TMEM231: variants seen among roughly 807,000 people sequenced by gnomAD.
TMEM231 encodes transmembrane protein 231.
TMEM231 carries 40 observed loss-of-function variants against 38.5 expected under a neutral mutation model. The observed-to-expected ratio is 1.04, with a 90% CI of 0.81 to 1.35. The LOEUF is 1.35. Ranked by LOEUF, TMEM231 falls within the 40% of genes most tolerant of loss-of-function variation. The probability of loss-of-function intolerance (pLI) is 0.00; values close to 1 mark genes in which losing one functional copy is unlikely to be tolerated. For synonymous variants in TMEM231, 199 were observed against 181.7 expected, an observed-to-expected ratio of 1.10 and a Z score of -0.77; for missense variants, 420 against 416.9, an observed-to-expected ratio of 1.01 and a Z score of -0.07.
intron 4 of TMEM231, 83 bp downstream of exon 4, chr16:75,545,269 T>C: frequency 1.3e-6 from 2 of 1,538,382 alleles, no homozygotes; most frequent in Non-Finnish European, 1.8e-6. Flanking sequence ...CTGACATTTC[T>C]ACTTTTCATT....
intron 6 of TMEM231, among the ~76,000 whole-genome samples, chr16:75,540,846 A>G (rs1482666361): frequency 6.6e-6 from 1 of 152,230 alleles, no homozygotes; most frequent in African/African-American, 2.4e-5. Flanking sequence ...TAGCAGACAT[A>G]CAGTCATTTT....
At chr16:75,540,750 A>C (rs775115301) in intron 6 of TMEM231, among the ~76,000 whole-genome samples, 2 of 152,236 alleles carry the variant, frequency 1.3e-5, no homozygotes, top group African/African-American at 4.8e-5. Context: ...TATGATTATT[A>C]AGACATAAAT....
At chr16:75,541,328 G>C in intron 6 of TMEM231, 22 bp downstream of exon 6, 1 of 1,561,062 alleles carries the variant, frequency 6.4e-7, no homozygotes, top group Non-Finnish European at 8.8e-7. Flanking sequence ...CCTTAACATG[G>C]ACTCTTTAAC....
chr16:75,541,537 G>A, intron 5 of TMEM231, 82 bp from the exon 6 acceptor site: 1 of 806,228 alleles, frequency 1.2e-6, no homozygotes, highest in Non-Finnish European at 1.9e-6. Context: ...TTGATACCTG[G>A]AAATTATCCT....
Position 75,556,225 on chromosome 16 carries a change from G to T in TMEM231, c.-16C>A, listed in dbSNP as rs749234584. The T allele has an allele frequency of 6.5e-6, 9 of 1,392,856 alleles. No homozygotes were observed. Among genetic ancestry groups the T allele is most frequent in the African/African-American group, 1.5e-5 (1 of 65,920 alleles). The allele number at this position is 1,392,856 out of a possible 1,614,324, so 86.3% of individuals were successfully genotyped here. ...AGAGCGCCATGAGCACCGCTCGCAG[G>T]CACTCCGCGAGCCGGGGGACCAAGT... On this transcript the variant is annotated 5_prime_UTR_variant, in exon 1 of 7. Coordinates refer to ENST00000258173, the MANE Select transcript of TMEM231 (RefSeq NM_001077418.3).
intron 4 of TMEM231, among the ~76,000 whole-genome samples, chr16:75,544,398 G>A (rs2080659292): frequency 6.6e-6 from 1 of 152,148 alleles, no homozygotes; most frequent in Non-Finnish European, 1.5e-5. Context: ...TGGATGCCTG[G>A]CAGAGGAAAT....
intron 2 of TMEM231, 114 bp downstream of exon 2, chr16:75,555,690 T>G: frequency 8.6e-7 from 1 of 1,158,886 alleles, no homozygotes; most frequent in Non-Finnish European, 1.2e-6. Context: ...CGCGAGTCCT[T>G]AGGATCAAAG....
intron 2 of TMEM231, among the ~76,000 whole-genome samples, chr16:75,548,991 G>T (rs911965938): frequency 6.6e-6 from 1 of 152,160 alleles, no homozygotes; most frequent in East Asian, 1.9e-4. Flanking sequence ...CAGAGAGGAG[G>T]GATCCAGGCT....
Position 75,555,851 on chromosome 16 carries a change from C to T in TMEM231, c.262G>A (p.Ala88Thr). 3 of 1,581,112 alleles carry T rather than the reference C, an allele frequency of 1.9e-6. No homozygotes were observed. The highest frequency in any genetic ancestry group is 3.4e-4 in the Middle Eastern group (2 of 5,912). The change falls in exon 2 of 7, where the codon GCC (alanine) becomes ACC (threonine). Residue 88 changes from alanine (A) to threonine (T), a missense_variant. By Grantham distance (58) the Ala-to-Thr change is moderately conservative. Coordinates refer to ENST00000258173, the MANE Select transcript of TMEM231 (RefSeq NM_001077418.3). ...CGATCCCCTTGCAGCCGGTTGAAGGCGGGGAACGTGCTCCAGGCGAGGAAC... is the reference window on the plus strand; with the variant it reads ...CGATCCCCTTGCAGCCGGTTGAAGGTGGGGAACGTGCTCCAGGCGAGGAAC... ...DGFLAWSTFPAFNRLQGDRLR... is the reference protein window; with the variant it reads ...DGFLAWSTFPTFNRLQGDRLR...
intron 6 of TMEM231, among the ~76,000 whole-genome samples, 162 bp downstream of exon 6, chr16:75,541,188 T>A (rs2080623365): frequency 1.3e-5 from 2 of 151,428 alleles, no homozygotes; most frequent in African/African-American, 4.9e-5. Context: ...TAATTTTTTT[T>A]TTTTTTTTTT....
intron 2 of TMEM231, among the ~76,000 whole-genome samples, chr16:75,550,109 G>A (rs1181364487): frequency 2.0e-5 from 3 of 152,204 alleles, no homozygotes; most frequent in African/African-American, 7.2e-5. Flanking sequence ...TAGCTGCAGG[G>A]AACATTTCCC....
intron 6 of TMEM231, among the ~76,000 whole-genome samples, chr16:75,540,722 A>T (rs1300039774): frequency 1.3e-5 from 2 of 152,250 alleles, no homozygotes; most frequent in African/African-American, 4.8e-5. Flanking sequence ...ACATAACCTT[A>T]GCATAAAAGG....
chr16:75,540,059 C>T lies in TMEM231; in HGVS notation c.886G>A (p.Val296Met). The change falls in exon 7 of 7, where the codon GTG (valine) becomes ATG (methionine). Residue 296 changes from valine (V) to methionine (M), a missense_variant. Transcript: ENST00000258173. Reference sequence around the variant, plus strand: ...ACTGTCACAGGAATGGTGGTCACCACCTGATTCTGAAACACGAAGATCTTG... The same window carrying T: ...ACTGTCACAGGAATGGTGGTCACCATCTGATTCTGAAACACGAAGATCTTG... Reference protein sequence around the residue: ...RIKIFVFQNQVVTTIPVTVTP... With the variant: ...RIKIFVFQNQMVTTIPVTVTP... 1 of 1,613,630 alleles carries T rather than the reference C, an allele frequency of 6.2e-7. No individual in the cohort carries two copies. The highest frequency in any genetic ancestry group is 2.2e-5 in the East Asian group (1 of 44,894).
At position 75,540,074 on chromosome 16, in the gene TMEM231, C is replaced by G. The variant is rs373660568; in HGVS notation, c.871G>C (p.Val291Leu). The G allele has an allele frequency of 1.9e-6, 3 of 1,613,794 alleles. No individual in the cohort carries two copies. Among genetic ancestry groups the G allele is most frequent in the Admixed American group, 1.7e-5 (1 of 60,006 alleles). ...LWVFERIKIF[V>L]FQNQVVTTIP... ...GTGGTCACCACCTGATTCTGAAACACGAAGATCTTGATTCTTTCAAACACC... is the reference window on the plus strand; with the variant it reads ...GTGGTCACCACCTGATTCTGAAACAGGAAGATCTTGATTCTTTCAAACACC... The change falls in exon 7 of 7, where the codon GTG (valine) becomes CTG (leucine). Residue 291 changes from valine to leucine, a missense_variant. Coordinates refer to ENST00000258173, the MANE Select transcript of TMEM231 (RefSeq NM_001077418.3).
At chr16:75,555,432 T>C in intron 2 of TMEM231, 1 of 234,514 alleles carries the variant, frequency 4.3e-6, no homozygotes, top group Non-Finnish European at 8.2e-6. Flanking sequence ...AATGGGGTTA[T>C]CTACATTAAC....
intron 2 of TMEM231, among the ~76,000 whole-genome samples, chr16:75,551,881 G>T (rs970037973): frequency 6.6e-6 from 1 of 151,622 alleles, no homozygotes; most frequent in Non-Finnish European, 1.5e-5. Flanking sequence ...AGAATCGCTT[G>T]AACCCAGGAG....
At chr16:75,547,398 G>A (rs1455858880) in intron 2 of TMEM231, among the ~76,000 whole-genome samples, 1 of 152,168 alleles carries the variant, frequency 6.6e-6, no homozygotes, top group Non-Finnish European at 1.5e-5. Context: ...CTTAGGTCTT[G>A]TTTTAGAGAA....
chr16:75,538,716 T>G lies in TMEM231; in HGVS notation c.*1278A>C, dbSNP rs369553172. ...GATCACCGGGGCCATGTCCTTCCAG[T>G]GGCAATGACCTGCTTGGGATCAGGA... On this transcript the variant is annotated 3_prime_UTR_variant, in exon 7 of 7. Coordinates refer to ENST00000258173, the MANE Select transcript of TMEM231 (RefSeq NM_001077418.3). 7 of 152,346 alleles carry G rather than the reference T, an allele frequency of 4.6e-5. No homozygotes were observed. Among genetic ancestry groups the G allele is most frequent in the East Asian group, 1.9e-4 (1 of 5,178 alleles). 9.4% of individuals were successfully genotyped at this position (152,346 alleles called of 1,614,324 possible). A position where few individuals can be genotyped will look rare whatever the true frequency, so the allele number is the denominator to read the frequency against.
intron 4 of TMEM231, among the ~76,000 whole-genome samples, chr16:75,542,932 T>C (rs2080644470): frequency 6.6e-6 from 1 of 152,216 alleles, no homozygotes; most frequent in African/African-American, 2.4e-5. Context: ...CAAAGATGAA[T>C]AAACTCTCTT....
Sources: allele counts gnomAD v4.1 joint callset (sites outside exome capture counted in the v4.1 genomes callset), GRCh38; gene constraint gnomAD v4.1.1; transcripts MANE v1.5; gene names NCBI Gene and HGNC (gene_info 2026-07-23, HGNC 2026-07-21).